Variants in PRRC2B observed in about 807,000 individuals in gnomAD.
The protein encoded by PRRC2B is protein PRRC2B.
A neutral mutation model predicts 242.3 loss-of-function variants in PRRC2B; 68 were observed. The observed-to-expected ratio is 0.28, with a 90% confidence interval of 0.23 to 0.34. The LOEUF is 0.34. Among genes scored for constraint, PRRC2B ranks in the 10% least tolerant of loss-of-function variants. The pLI, the probability that PRRC2B is intolerant of heterozygous loss-of-function variation, is 1.00. For synonymous variants in PRRC2B, 1,228 were observed against 1,173.6 expected, an observed-to-expected ratio of 1.05 and a Z score of -0.95; for missense variants, 2,835 against 2,954.8, an observed-to-expected ratio of 0.96 and a Z score of 0.94.
At chr9:131,410,504 C>T (rs953312419) in intron 1 of PRRC2B, among the ~76,000 whole-genome samples, 5 of 152,240 alleles carry the variant, frequency 3.3e-5, no homozygotes, top group Admixed American at 3.3e-4. Context: ...AGGCGTCGTT[C>T]TTCCAGTGCC....
chr9:131,456,247 C>T (rs1943073419), intron 10 of PRRC2B, among the ~76,000 whole-genome samples: 1 of 138,256 alleles, frequency 7.2e-6, no homozygotes, highest in Non-Finnish European at 1.5e-5. Flanking sequence ...TTTCCTTGGA[C>T]TAGTTTAGTT....
chr9:131,485,372 A>G (rs553380829), intron 25 of PRRC2B, among the ~76,000 whole-genome samples: 156 of 152,304 alleles, frequency 1.0e-3, no homozygotes, highest in African/African-American at 3.5e-3. Context: ...ACTCCTGCCT[A>G]CTGGTGACAG....
At chr9:131,489,442 A>C (rs1944122027) in intron 28 of PRRC2B, among the ~76,000 whole-genome samples, 1 of 151,956 alleles carries the variant, frequency 6.6e-6, no homozygotes, top group African/African-American at 2.4e-5. Context: ...TGGCCTCCCA[A>C]AGTGCTGGGA....
upstream of PRRC2B, among the ~76,000 whole-genome samples, chr9:131,391,054 G>A (rs1836895216): frequency 6.6e-6 from 1 of 152,030 alleles, no homozygotes; most frequent in Non-Finnish European, 1.5e-5. Context: ...CAAAGTCCTG[G>A]GATTACAGGC....
At chr9:131,439,313 T>C (rs1462939138) in intron 5 of PRRC2B, among the ~76,000 whole-genome samples, 2 of 152,174 alleles carry the variant, frequency 1.3e-5, no homozygotes, top group Non-Finnish European at 2.9e-5. Context: ...TGCTGGTGAT[T>C]TTTGATGATA....
intron 1 of PRRC2B, among the ~76,000 whole-genome samples, chr9:131,395,947 T>C (rs1041523179): frequency 3.9e-5 from 6 of 152,176 alleles, no homozygotes; most frequent in Non-Finnish European, 8.8e-5. Flanking sequence ...ACTGCTTTCC[T>C]TGGGGATTGG....
chr9:131,429,195 C>T (rs1268818959), intron 1 of PRRC2B, among the ~76,000 whole-genome samples: 4 of 152,222 alleles, frequency 2.6e-5, no homozygotes, highest in African/African-American at 2.4e-5. Flanking sequence ...GATCTGCCCA[C>T]CTTAGCCTCC....
chr9:131,389,348 G>A (rs991631077), upstream of PRRC2B, among the ~76,000 whole-genome samples: 1 of 147,718 alleles, frequency 6.8e-6, no homozygotes, highest in Non-Finnish European at 1.5e-5. Flanking sequence ...GTAGAGATGG[G>A]GTTTCTCCAT....
intron 29 of PRRC2B, among the ~76,000 whole-genome samples, chr9:131,491,793 C>T (rs1564303479): frequency 6.6e-6 from 1 of 152,220 alleles, no homozygotes; most frequent in Admixed American, 6.5e-5. Context: ...CAGCATTCCT[C>T]CCCAGCTCCC....
At chr9:131,416,114 C>CTTTTTTTTT (rs562809102) in intron 1 of PRRC2B, among the ~76,000 whole-genome samples, 3 of 145,310 alleles carry the variant, frequency 2.1e-5, no homozygotes, top group African/African-American at 7.5e-5. Context: ...TCTTTTCTTT[C>CTTTTTTTTT]TTTTTTTTTT....
chr9:131,495,832 G>C lies in PRRC2B; in HGVS notation c.6648G>C (p.Ala2216=), dbSNP rs762701653. ...CCTCCCAGATGAAGCGAACCGGAGCGATCAAGCCTCGGGCTGTCAAAGTGG... is the reference window on the plus strand; with the variant it reads ...CCTCCCAGATGAAGCGAACCGGAGCCATCAAGCCTCGGGCTGTCAAAGTGG... ...SAASQMKRTG[A]IKPRAVKVEE... The change falls in exon 32 of 32, where the codon GCG becomes GCC. Residue 2216 remains alanine, a synonymous_variant. Transcript: ENST00000683519. 1 of 1,612,234 alleles carries C rather than the reference G, an allele frequency of 6.2e-7. No individual in the cohort carries two copies. Among genetic ancestry groups the C allele is most frequent in the Non-Finnish European group, 8.5e-7 (1 of 1,178,538 alleles).
intron 1 of PRRC2B, among the ~76,000 whole-genome samples, chr9:131,427,051 C>T (rs1259530585): frequency 6.6e-6 from 1 of 152,230 alleles, no homozygotes; most frequent in Non-Finnish European, 1.5e-5. Flanking sequence ...GTGTCCCCTG[C>T]TCACACAGAT....
chr9:131,486,143 G>C lies in PRRC2B; in HGVS notation c.5817G>C (p.Leu1939=). The change falls in exon 26 of 32, where the codon CTG becomes CTC. Residue 1939 remains leucine (L), a synonymous_variant. Transcript: ENST00000683519. ...DGHVFASQPR[L]VPQTIPQQQS... ...ATGTGTTTGCAAGTCAGCCCCGGCT[G>C]GTTCCTCAAACGATACCTCAGCAGC... The C allele has an allele frequency of 6.2e-7, 1 of 1,612,874 alleles. No individual in the cohort carries two copies. The highest frequency in any genetic ancestry group is 8.5e-7 in the Non-Finnish European group (1 of 1,179,418).
Position 131,386,002 on chromosome 9 carries a change from ATTG to A in PRRC2B, c.-56+12276_-56+12278del, listed in dbSNP as rs993744871. On this transcript the variant is annotated intron_variant, in intron 1 of 1. Coordinates refer to the PRRC2B transcript ENST00000682525. Reference sequence around the variant, plus strand: ...ACCACGGCGCCCGGCCATCATTCTTATTGTTGTCATCTCAGAGAGAAGTGCAGA... The same window carrying A: ...ACCACGGCGCCCGGCCATCATTCTTATTGTCATCTCAGAGAGAAGTGCAGA... 5.5e-4 allele frequency among the ~76,000 whole-genome samples: 82 copies of A among 150,452 alleles called. 2 individuals carry two copies. Among genetic ancestry groups the A allele is most frequent in the African/African-American group, 1.8e-3 (76 of 41,328 alleles).
chr9:131,386,624 T>A (rs932614205), intron 1 of PRRC2B, among the ~76,000 whole-genome samples: 1 of 149,986 alleles, frequency 6.7e-6, no homozygotes, highest in Non-Finnish European at 1.5e-5. Flanking sequence ...TAAAAACGGG[T>A]AACCCTATGA....
chr9:131,467,332 T>G (rs1360293713), intron 12 of PRRC2B, among the ~76,000 whole-genome samples: 3 of 152,198 alleles, frequency 2.0e-5, no homozygotes, highest in African/African-American at 7.2e-5. Context: ...CTCTTGACCC[T>G]TAGTGTCCTA....
chr9:131,398,230 G>C (rs1419001422), intron 1 of PRRC2B, among the ~76,000 whole-genome samples: 1 of 152,198 alleles, frequency 6.6e-6, no homozygotes, highest in Non-Finnish European at 1.5e-5. Context: ...CCTCTGGGTG[G>C]CACGTGGGAA....
chr9:131,432,819 G>T (rs1328822927), intron 3 of PRRC2B, 25 bp downstream of exon 3: 2 of 1,611,002 alleles, frequency 1.2e-6, no homozygotes, highest in Non-Finnish European at 1.7e-6. Context: ...CGGGTGGTGA[G>T]TGGGAGCTGG....
intron 11 of PRRC2B, among the ~76,000 whole-genome samples, chr9:131,459,970 C>CAAAAAAA (rs34696844): frequency 2.3e-5 from 2 of 87,096 alleles, no homozygotes; most frequent in African/African-American, 8.8e-5. Flanking sequence ...ACCCTATCTC[C>CAAAAAAA]AAAAAAAAAA....
Sources: allele counts gnomAD v4.1 joint callset (sites outside exome capture counted in the v4.1 genomes callset), GRCh38; gene constraint gnomAD v4.1.1; transcripts MANE v1.5; gene names NCBI Gene and HGNC (gene_info 2026-07-23, HGNC 2026-07-21).